DPP10: variants seen among roughly 807,000 people sequenced by gnomAD.
DPP10 encodes dipeptidyl peptidase like 10, also known as inactive dipeptidyl peptidase 10.
In DPP10, 33 loss-of-function variants were observed where a neutral mutation model predicts 120.9. That is an observed-to-expected ratio of 0.27 (90% CI 0.21 to 0.37). The LOEUF (loss-of-function observed/expected upper bound fraction) is 0.37, where lower values mean the gene tolerates loss of function less well. Among genes scored for constraint, DPP10 ranks in the 10% least tolerant of loss-of-function variants. DPP10 has a pLI of 1.00. For synonymous variants in DPP10, 337 were observed against 326.1 expected, an observed-to-expected ratio of 1.03 and a Z score of -0.36; for missense variants, 816 against 942.8, an observed-to-expected ratio of 0.87 and a Z score of 1.76.
At chr2:114,572,561 A>G (rs1405505103) in intron 1 of DPP10, among the ~76,000 whole-genome samples, 16 of 152,204 alleles carry the variant, frequency 1.1e-4, no homozygotes. Flanking sequence ...TCTCCACCCT[A>G]TTCAATCTGT....
intron 1 of DPP10, among the ~76,000 whole-genome samples, chr2:115,241,378 T>C (rs1280634870): frequency 1.3e-5 from 2 of 152,362 alleles, no homozygotes; most frequent in East Asian, 3.9e-4. Flanking sequence ...TCCTTGGTAG[T>C]TGTAAGTTTC....
chr2:114,758,420 G>GT (rs1558710739), intron 1 of DPP10, among the ~76,000 whole-genome samples: 1 of 152,064 alleles, frequency 6.6e-6, no homozygotes, highest in African/African-American at 2.4e-5. Flanking sequence ...CGATCTGAGG[G>GT]TTTTTTCCCT....
Position 115,436,356 on chromosome 2 carries a change from A to G in DPP10, c.272-63154A>G, listed in dbSNP as rs991992458. Among the ~76,000 whole-genome samples the G allele has an allele frequency of 2.0e-5, 3 of 151,538 alleles. No homozygotes were observed. The Admixed American group carries it at 2.0e-4, about 10-fold the overall frequency. ...ATTGTAAGAGTTTAGGATTTGGGAT[A>G]TCATTAACTCTTTTAAATCTAGAGA... is the stretch of plus-strand genomic sequence containing the variant. On this transcript the variant is annotated intron_variant, in intron 3 of 25. Transcript: ENST00000410059.
At chr2:114,948,732 T>G (rs1697552959) in intron 1 of DPP10, among the ~76,000 whole-genome samples, 1 of 152,180 alleles carries the variant, frequency 6.6e-6, no homozygotes, top group Non-Finnish European at 1.5e-5. Context: ...TATATTAGTC[T>G]GTTTTCACAT....
chr2:114,972,663 A>T (rs1212662199), intron 1 of DPP10, among the ~76,000 whole-genome samples: 2 of 152,182 alleles, frequency 1.3e-5, no homozygotes, highest in Admixed American at 6.5e-5. Context: ...CAGCAATTGG[A>T]CCTACATGTT....
chr2:115,712,566 A>ATATATATATATATATAT (rs70941090), intron 7 of DPP10, among the ~76,000 whole-genome samples: 87 of 121,552 alleles, frequency 7.2e-4, no homozygotes, highest in Non-Finnish European at 1.0e-3. Context: ...ATATATATAT[A>ATATATATATATATATAT]AAGAAACTGT....
intron 7 of DPP10, among the ~76,000 whole-genome samples, chr2:115,727,463 T>G (rs1382983713): frequency 3.3e-5 from 5 of 152,150 alleles, no homozygotes; most frequent in Admixed American, 6.5e-5. Context: ...AAATGGCTTA[T>G]AGTTACAGTT....
intron 3 of DPP10, among the ~76,000 whole-genome samples, chr2:115,491,906 G>A (rs1472611164): frequency 6.6e-6 from 1 of 152,132 alleles, no homozygotes; most frequent in Non-Finnish European, 1.5e-5. Flanking sequence ...AAGTGTCAAA[G>A]GCAGGAGGAT....
intron 3 of DPP10, among the ~76,000 whole-genome samples, chr2:115,460,263 TC>T (rs2073911970): frequency 6.6e-6 from 1 of 152,274 alleles, no homozygotes; most frequent in African/African-American, 2.4e-5. Context: ...CTTACATTTT[TC>T]ATAACGACCT....
At chr2:115,566,065 A>G (rs1472157709) in intron 5 of DPP10, among the ~76,000 whole-genome samples, 2 of 151,886 alleles carry the variant, frequency 1.3e-5, no homozygotes, top group African/African-American at 4.8e-5. Context: ...GTAGTTACAA[A>G]CATGAGCCAC....
At chr2:115,003,176 T>TAAAAAAAAAAA (rs140794959) in intron 1 of DPP10, among the ~76,000 whole-genome samples, 2 of 134,396 alleles carry the variant, frequency 1.5e-5, no homozygotes, top group African/African-American at 2.8e-5. Context: ...TATGTAGCTA[T>TAAAAAAAAAAA]AAAAAAAAAA....
chr2:114,941,603 G>A (rs975396995), intron 1 of DPP10, among the ~76,000 whole-genome samples: 3 of 152,132 alleles, frequency 2.0e-5, no homozygotes, highest in African/African-American at 4.8e-5. Flanking sequence ...TTTATATGCA[G>A]GAATAATATA....
intron 3 of DPP10, among the ~76,000 whole-genome samples, chr2:115,375,975 G>A (rs990767074): frequency 6.6e-6 from 1 of 152,180 alleles, no homozygotes; most frequent in Non-Finnish European, 1.5e-5. Context: ...GTCACTAGTA[G>A]TGCTTGGTAT....
intron 5 of DPP10, among the ~76,000 whole-genome samples, chr2:115,624,326 C>A (rs1049376416): frequency 1.3e-5 from 2 of 152,112 alleles, no homozygotes; most frequent in African/African-American, 4.8e-5. Flanking sequence ...TATTTTCCTT[C>A]CTTGACAAAT....
chr2:114,587,444 T>A (rs1691096307), intron 1 of DPP10, among the ~76,000 whole-genome samples: 1 of 152,098 alleles, frequency 6.6e-6, no homozygotes, highest in Admixed American at 6.6e-5. Flanking sequence ...ATTTTTTTTT[T>A]CATAGAATAG....
intron 1 of DPP10, among the ~76,000 whole-genome samples, chr2:114,601,811 A>G (rs1692389450): frequency 6.6e-6 from 1 of 151,990 alleles, no homozygotes; most frequent in Non-Finnish European, 1.5e-5. Flanking sequence ...ATGTAAATAA[A>G]TGGTGTCATT....
chr2:114,691,658 G>A lies in DPP10; in HGVS notation c.60+248820G>A, dbSNP rs561749404. The stretch of plus-strand genomic sequence containing the variant: ...TGGAATAGTTTCAGTAGAAGTGGTG[G>A]CAGCTCTTCTTTGTACCTCTGGTAG... On this transcript the variant is annotated intron_variant, in intron 1 of 25. Coordinates refer to ENST00000410059, the MANE Select transcript of DPP10 (RefSeq NM_020868.6). 4.8e-4 allele frequency among the ~76,000 whole-genome samples: 73 copies of A among 151,978 alleles called. 1 individual carries two copies. In the South Asian group the frequency reaches 0.01, roughly 21 times the overall value.
intron 1 of DPP10, among the ~76,000 whole-genome samples, chr2:114,801,272 A>AAAG (rs1558755394): frequency 1.3e-4 from 12 of 92,662 alleles, no homozygotes; most frequent in Admixed American, 5.0e-4. Context: ...CAAAAAAAAA[A>AAAG]AAAAAAAGAA....
rs115498667 is a variant in DPP10, at chr2:115,645,554, G to A, written c.442-44133G>A. Among the ~76,000 whole-genome samples the A allele has an allele frequency of 3.2e-4, 48 of 152,154 alleles. No individual in the cohort carries two copies. In the East Asian group the frequency reaches 3.7e-3, roughly 12 times the overall value. On this transcript the variant is annotated intron_variant, in intron 5 of 25. Transcript: ENST00000410059. ...CATGTAATAATTTGAGTTATGAATA[G>A]AAATAGTAATTTGCCTGAAATTGAG... is the stretch of plus-strand genomic sequence containing the variant.
Sources: allele counts gnomAD v4.1 joint callset (sites outside exome capture counted in the v4.1 genomes callset), GRCh38; gene constraint gnomAD v4.1.1; transcripts MANE v1.5; gene names NCBI Gene and HGNC (gene_info 2026-07-23, HGNC 2026-07-21).